The following RAB3IL1 variants were observed in gnomAD, a reference collection of about 807,000 sequenced individuals.
RAB3IL1 encodes guanine nucleotide exchange factor for Rab-3A.
Under a neutral mutation model 49.2 loss-of-function variants are expected in RAB3IL1, and 37 were observed. That is an observed-to-expected ratio of 0.75 (90% CI 0.58 to 0.99). The LOEUF (loss-of-function observed/expected upper bound fraction) is 0.99. Among genes scored for constraint, RAB3IL1 ranks in the 50% least tolerant of loss-of-function variants. The pLI is 0.00. For synonymous variants in RAB3IL1, 193 were observed against 213.9 expected (o/e 0.90, Z 0.85); for missense variants, 484 against 513.0 (o/e 0.94, Z 0.55).
chr11:61,901,092 G>A (rs188583802), intron 8 of RAB3IL1, among the ~76,000 whole-genome samples: 436 of 152,282 alleles, frequency 2.9e-3, no homozygotes, highest in African/African-American at 0.01. Flanking sequence ...ACGCTCGGAT[G>A]CCTTGTGGAG....
In RAB3IL1 at chr11:61,899,321, C is replaced by T. The variant is rs1245667246; in HGVS notation, c.1059G>A (p.Arg353=). 6.2e-7 allele frequency: 1 copy of T among 1,606,528 alleles called. No homozygotes were observed. The change falls in exon 9 of 10, where the codon CGG becomes CGA. Residue 353 remains arginine (R), a synonymous_variant. Coordinates refer to ENST00000394836, the MANE Select transcript of RAB3IL1 (RefSeq NM_013401.4). ...YIRYIQQGLV[R]QDAEPMFWEI... Reference sequence around the variant, plus strand: ...CCACCAGGGGGCGCTCACCGTCCTGCCGCACCAGGCCTTGCTGGATGTAGC... The same window carrying T: ...CCACCAGGGGGCGCTCACCGTCCTGTCGCACCAGGCCTTGCTGGATGTAGC...
Position 61,904,826 on chromosome 11 carries a change from G to GT in RAB3IL1, c.713dup (p.Asp238GlufsTer42). On this transcript the variant is annotated frameshift_variant, in exon 6 of 10. Transcript: ENST00000394836. LOFTEE classifies it high-confidence loss of function. ...CCCTTTCCAGGAAGGGGCAGGTCTT[G>GT]TCCAGGGTGGGGGATTCCCTCCAGG... The GT allele has an allele frequency of 6.2e-7, 1 of 1,611,366 alleles. No individual in the cohort carries two copies. The highest frequency in any genetic ancestry group is 8.5e-7 in the Non-Finnish European group (1 of 1,178,710).
At chr11:61,907,785 T>G in intron 2 of RAB3IL1, 125 bp from the exon 3 acceptor site, 1 of 961,542 alleles carries the variant, frequency 1.0e-6, no homozygotes, top group Non-Finnish European at 1.6e-6. Context: ...GTTTATTTCC[T>G]CTGGTGCCTG....
chr11:61,904,819 A>G lies in RAB3IL1; in HGVS notation c.721T>C (p.Cys241Arg). 2 of 1,603,818 alleles carry G rather than the reference A, an allele frequency of 1.2e-6. No homozygotes were observed. The highest frequency in any genetic ancestry group is 1.7e-6 in the Non-Finnish European group (2 of 1,173,998). ...CGGTACACCCTTTCCAGGAAGGGGC[A>G]GGTCTTGTCCAGGGTGGGGGATTCC... ...WRESPTLDKT[C>R]PFLERVYRED... The change falls in exon 6 of 10, where the codon TGC becomes CGC. Residue 241 changes from cysteine (C) to arginine (R), a missense_variant. Physicochemically the swap from Cys to Arg is radical, Grantham distance 180. Coordinates refer to ENST00000394836, the MANE Select transcript of RAB3IL1 (RefSeq NM_013401.4).
rs1369421955 is a variant in RAB3IL1, at chr11:61,897,512, G to A, written c.*766C>T. On this transcript the variant is annotated 3_prime_UTR_variant, in exon 10 of 10. Transcript: ENST00000394836. ...GCATGGCCACCCACAGCTGAAAACAGGCGTGGGTGATCTGAAGCCCTGTCT... is the reference window on the plus strand; with the variant it reads ...GCATGGCCACCCACAGCTGAAAACAAGCGTGGGTGATCTGAAGCCCTGTCT... 1.3e-5 allele frequency: 2 copies of A among 152,314 alleles called. No individual in the cohort carries two copies. Among genetic ancestry groups the A allele is most frequent in the African/African-American group, 4.8e-5 (2 of 41,430 alleles). The allele number at this position is 152,314 out of a possible 1,614,324, so 9.4% of individuals were successfully genotyped here.
the RAB3IL1 span, among the ~76,000 whole-genome samples, chr11:61,942,109 G>A: frequency 6.6e-6 from 1 of 152,202 alleles, no homozygotes; most frequent in South Asian, 2.1e-4. Flanking sequence ...TACTTGGGAG[G>A]CTGAGGCAGG....
chr11:61,914,143 A>AC (rs1939579961), intron 1 of RAB3IL1, among the ~76,000 whole-genome samples: 1 of 152,218 alleles, frequency 6.6e-6, no homozygotes, highest in Non-Finnish European at 1.5e-5. Context: ...CTTGGGCCTT[A>AC]CAGGCAGGAG....
chr11:61,910,283 A>G (rs1002243690), intron 1 of RAB3IL1, among the ~76,000 whole-genome samples: 4 of 152,022 alleles, frequency 2.6e-5, no homozygotes, highest in African/African-American at 9.7e-5. Flanking sequence ...GCCCAGGGAG[A>G]CTCGGAGGCT....
In RAB3IL1 at chr11:61,904,764, G is replaced by C; in HGVS notation, c.776C>G (p.Thr259Arg). ...REDVGPCLDF[T>R]MQELSVLVRA... The stretch of plus-strand genomic sequence containing the variant: ...CCTGCCATGCCTCACCTCCTGCATT[G>C]TGAAGTCCAGGCAGGGGCCCACGTC... The change falls in exon 6 of 10, where the codon ACA becomes AGA. Residue 259 changes from threonine (T) to arginine (R), a missense_variant. Transcript: ENST00000394836. 3 of 1,604,738 alleles carry C rather than the reference G, an allele frequency of 1.9e-6. No individual in the cohort carries two copies. The highest frequency in any genetic ancestry group is 2.6e-6 in the Non-Finnish European group (3 of 1,176,200).
upstream of RAB3IL1, among the ~76,000 whole-genome samples, chr11:61,924,943 A>G (rs1297967054): frequency 6.6e-6 from 1 of 152,222 alleles, no homozygotes; most frequent in Non-Finnish European, 1.5e-5. Context: ...CAGAGAATCC[A>G]TCAGAAACCT....
chr11:61,939,711 G>A, the RAB3IL1 span, among the ~76,000 whole-genome samples: 224 of 152,166 alleles, frequency 1.5e-3, no homozygotes, highest in Middle Eastern at 6.8e-3. Flanking sequence ...AGCACTTTTG[G>A]AGGCCAGTGC....
chr11:61,899,517 GCTTTCA>G, intron 8 of RAB3IL1, 137 bp from the exon 9 acceptor site: 1 of 705,918 alleles, frequency 1.4e-6, no homozygotes, highest in Non-Finnish European at 2.4e-6. Context: ...CTGGGACTGG[GCTTTCA>G]AGTAGTAATC....
intron 1 of RAB3IL1, among the ~76,000 whole-genome samples, chr11:61,908,794 G>A (rs1403399450): frequency 6.6e-6 from 1 of 152,208 alleles, no homozygotes; most frequent in Non-Finnish European, 1.5e-5. Flanking sequence ...CCCTTTCAGG[G>A]TGGACCAGAG....
chr11:61,929,113 C>A, the RAB3IL1 span, among the ~76,000 whole-genome samples: 1 of 152,150 alleles, frequency 6.6e-6, no homozygotes, highest in African/African-American at 2.4e-5. Flanking sequence ...ATGATCAAAT[C>A]TGGGTAACTG....
Position 61,908,157 on chromosome 11 carries a change from G to A in RAB3IL1, c.161C>T (p.Pro54Leu). ...AGEEAQGQEG[P>L]AAAQLDVLRL... ...CAACACGTCCAGCTGGGCGGCTGCG[G>A]GGCCCTCCTGGCCTTGGGCCTCCTC... is the stretch of plus-strand genomic sequence containing the variant. Residue 54 changes from proline (P) to leucine (L), a missense_variant, in exon 2 of 10, where the codon CCC (proline) becomes CTC (leucine). Transcript: ENST00000394836. 6.4e-7 allele frequency: 1 copy of A among 1,566,392 alleles called. No homozygotes were observed. The highest frequency in any genetic ancestry group is 8.6e-7 in the Non-Finnish European group (1 of 1,158,306).
chr11:61,926,850 G>A, the RAB3IL1 span, among the ~76,000 whole-genome samples: 2 of 151,802 alleles, frequency 1.3e-5, no homozygotes, highest in African/African-American at 2.4e-5. Context: ...ACACCTGGCC[G>A]AGATACAGAA....
chr11:61,915,248 G>A (rs1271563314), intron 1 of RAB3IL1, among the ~76,000 whole-genome samples: 4 of 152,166 alleles, frequency 2.6e-5, no homozygotes, highest in Admixed American at 6.5e-5. Flanking sequence ...GATTCTGTGG[G>A]GGTCAGCCTG....
the RAB3IL1 span, among the ~76,000 whole-genome samples, chr11:61,934,277 G>A: frequency 6.9e-6 from 1 of 145,540 alleles, no homozygotes; most frequent in African/African-American, 2.6e-5. Flanking sequence ...CCAAAATGCT[G>A]GAATTACAAG....
Position 61,898,327 on chromosome 11 carries a change from C to G in RAB3IL1, c.1100G>C (p.Arg367Pro). ...GAGCTTGGCCAGTGACATCTCCTTC[C>G]GCAACCTCATGATCTCCCAGAACAT... The part of the protein sequence containing the change: ...EPMFWEIMRL[R>P]KEMSLAKLGF... The change falls in exon 10 of 10, where the codon CGG becomes CCG. Residue 367 changes from arginine to proline, a missense_variant. Transcript: ENST00000394836. The surrounding 1 kb of genome is among the most constrained non-coding windows in gnomAD (Gnocchi z 5.1). 6.2e-7 allele frequency: 1 copy of G among 1,613,624 alleles called. No homozygotes were observed. The highest frequency in any genetic ancestry group is 1.1e-5 in the South Asian group (1 of 91,082).
Sources: allele counts gnomAD v4.1 joint callset (sites outside exome capture counted in the v4.1 genomes callset), GRCh38; gene constraint gnomAD v4.1.1; non-coding constraint Gnocchi (gnomAD v3.1); transcripts MANE v1.5; gene names NCBI Gene and HGNC (gene_info 2026-07-23, HGNC 2026-07-21).